The following NRG3 variants were observed in gnomAD, a reference collection of about 807,000 sequenced individuals.
The protein encoded by NRG3 is pro-neuregulin-3, membrane-bound isoform.
A neutral mutation model predicts 66.9 loss-of-function variants in NRG3; 31 were observed. The observed-to-expected ratio is 0.46, with a 90% CI of 0.35 to 0.63. The LOEUF (loss-of-function observed/expected upper bound fraction) is 0.63, where lower values mean the gene tolerates loss of function less well. NRG3 is among the 20% of genes least tolerant of loss of function. NRG3 has a pLI of 0.00. For synonymous variants in NRG3, 393 were observed against 359.4 expected (o/e 1.09, Z -1.06); for missense variants, 910 against 878.9 (o/e 1.04, Z -0.45).
chr10:82,375,308 C>T lies in NRG3; in HGVS notation c.953+16440C>T, dbSNP rs113388420. 5.5e-3 allele frequency among the ~76,000 whole-genome samples: 839 copies of T among 152,160 alleles called. 3 individuals carry two copies. The highest frequency in any genetic ancestry group is 0.027 in the Middle Eastern group (8 of 294). On this transcript the variant is annotated intron_variant, in intron 2 of 8. Transcript: ENST00000372141. ...ATCCCAGCACTTTGGGAGGCCGAGG[C>T]GGGCGGATCACGAGGTCAGGAGATG...
chr10:82,649,017 A>T (rs550167592), intron 2 of NRG3, among the ~76,000 whole-genome samples: 39 of 152,306 alleles, frequency 2.6e-4, no homozygotes, highest in African/African-American at 8.9e-4. Flanking sequence ...AGCCAATATC[A>T]TACCGAATGG....
intron 4 of NRG3, among the ~76,000 whole-genome samples, chr10:82,894,303 T>C (rs1234911985): frequency 2.0e-5 from 3 of 152,206 alleles, no homozygotes; most frequent in Non-Finnish European, 4.4e-5. Flanking sequence ...AAAAAAATGA[T>C]CATTTTGATA....
chr10:82,020,890 A>C (rs1462667140), intron 1 of NRG3, among the ~76,000 whole-genome samples: 1 of 152,104 alleles, frequency 6.6e-6, no homozygotes, highest in Non-Finnish European at 1.5e-5. Context: ...TTTGGCTTTA[A>C]GTGCAGAGAC....
intron 1 of NRG3, among the ~76,000 whole-genome samples, chr10:81,983,991 A>T (rs1477841965): frequency 1.3e-5 from 2 of 152,224 alleles, no homozygotes; most frequent in Non-Finnish European, 2.9e-5. Context: ...AGGTTCAAAG[A>T]AGAAGAGAAG....
intron 4 of NRG3, among the ~76,000 whole-genome samples, chr10:82,921,069 A>T (rs957648624): frequency 2.6e-5 from 4 of 152,122 alleles, no homozygotes; most frequent in Non-Finnish European, 5.9e-5. Flanking sequence ...AAAAAAAAAA[A>T]GTAACATTAC....
chr10:82,697,168 AC>A (rs1224237469), intron 2 of NRG3, among the ~76,000 whole-genome samples: 1 of 152,212 alleles, frequency 6.6e-6, no homozygotes, highest in African/African-American at 2.4e-5. Context: ...CAATAATCAA[AC>A]ATACTTACAC....
intron 5 of NRG3, among the ~76,000 whole-genome samples, chr10:82,956,481 G>T (rs538159980): frequency 4.0e-5 from 6 of 151,896 alleles, no homozygotes; most frequent in Non-Finnish European, 8.8e-5. Flanking sequence ...GAAGGACCAC[G>T]TATCTTGGAA....
intron 2 of NRG3, among the ~76,000 whole-genome samples, chr10:82,717,011 T>G (rs1261243182): frequency 6.6e-6 from 1 of 152,220 alleles, no homozygotes. Context: ...GTATAGTCTT[T>G]CATTGGAACT....
At chr10:82,724,660 T>G (rs952929635) in intron 2 of NRG3, among the ~76,000 whole-genome samples, 12 of 152,316 alleles carry the variant, frequency 7.9e-5, no homozygotes, top group African/African-American at 2.9e-4. Context: ...CTGTGGGACT[T>G]TTTTCAGCTT....
intron 1 of NRG3, among the ~76,000 whole-genome samples, chr10:82,120,794 T>C (rs2068038373): frequency 6.6e-6 from 1 of 152,088 alleles, no homozygotes; most frequent in Non-Finnish European, 1.5e-5. Flanking sequence ...ATGGAGTCAG[T>C]TGCCAAGAGC....
At chr10:81,919,069 G>A (rs1365466166) in intron 1 of NRG3, among the ~76,000 whole-genome samples, 1 of 151,950 alleles carries the variant, frequency 6.6e-6, no homozygotes, top group Non-Finnish European at 1.5e-5. Context: ...TTGTGTTTGG[G>A]GGAAGTAAAT....
chr10:82,380,341 CA>C (rs1211313589), intron 2 of NRG3, among the ~76,000 whole-genome samples: 1 of 151,840 alleles, frequency 6.6e-6, no homozygotes, highest in African/African-American at 2.4e-5. Flanking sequence ...AACTTATTCA[CA>C]AAAAAGGTAA....
At chr10:82,984,908 T>A in intron 8 of NRG3, 190 bp from the exon 9 acceptor site, 1 of 1,308,062 alleles carries the variant, frequency 7.6e-7, no homozygotes, top group Non-Finnish European at 1.1e-6. Flanking sequence ...TGTGTGACCT[T>A]GGGCAAGTCA....
intron 4 of NRG3, among the ~76,000 whole-genome samples, chr10:82,887,501 T>C (rs987337869): frequency 6.6e-6 from 1 of 152,230 alleles, no homozygotes; most frequent in African/African-American, 2.4e-5. Context: ...ATGCTTTGTT[T>C]TATAATTTGC....
chr10:82,538,709 A>C (rs1006631485), intron 2 of NRG3, among the ~76,000 whole-genome samples: 10 of 152,270 alleles, frequency 6.6e-5, no homozygotes, highest in African/African-American at 1.4e-4. Flanking sequence ...CCAGAAAAAA[A>C]AAATTGTTTT....
chr10:82,649,815 CT>C (rs1442090159), intron 2 of NRG3, among the ~76,000 whole-genome samples: 1 of 152,006 alleles, frequency 6.6e-6, no homozygotes, highest in Non-Finnish European at 1.5e-5. Flanking sequence ...CTGCTAGAAG[CT>C]ATGCTAAAGT....
At chr10:81,975,510 GCAC>G (rs2060091987) in intron 1 of NRG3, among the ~76,000 whole-genome samples, 1 of 152,104 alleles carries the variant, frequency 6.6e-6, no homozygotes, top group African/African-American at 2.4e-5. Flanking sequence ...ATTCCTGGAA[GCAC>G]CAGCAACGAG....
intron 8 of NRG3, among the ~76,000 whole-genome samples, chr10:82,984,352 G>T (rs1853231130): frequency 6.6e-6 from 1 of 152,180 alleles, no homozygotes; most frequent in Admixed American, 6.5e-5. Context: ...ATGGACCAAA[G>T]AACTACCTTA....
At chr10:82,493,087 A>G (rs1590335770) in intron 2 of NRG3, among the ~76,000 whole-genome samples, 1 of 152,192 alleles carries the variant, frequency 6.6e-6, no homozygotes, top group South Asian at 2.1e-4. Context: ...GGAGAAGATA[A>G]AACACTTGAT....
Sources: allele counts gnomAD v4.1 joint callset (sites outside exome capture counted in the v4.1 genomes callset), GRCh38; gene constraint gnomAD v4.1.1; transcripts MANE v1.5; gene names NCBI Gene and HGNC (gene_info 2026-07-23, HGNC 2026-07-21).